The following HELZ variants were observed in gnomAD, a reference collection of about 807,000 sequenced individuals.
The protein encoded by HELZ is ATP-dependent RNA helicase with zinc finger domain.
In HELZ, 23 loss-of-function variants were observed where a neutral mutation model predicts 218.2. The observed-to-expected ratio is 0.11, with a 90% confidence interval of 0.08 to 0.15. The LOEUF is 0.15. HELZ is among the 10% of genes least tolerant of loss of function. The pLI is 1.00. For missense variants in HELZ, 1,813 were observed against 2,353.7 expected (o/e 0.77, Z 4.75); for synonymous variants, 814 against 829.4 (o/e 0.98, Z 0.32).
In HELZ at chr17:67,077,018, A is replaced by C. The variant is rs1171048444; in HGVS notation, c.*1234T>G. ...CTTTGGATTTTACCAAAATTCATTC[A>C]AAGCAATTTTTAGATGGTAGAATAT... On this transcript the variant is annotated 3_prime_UTR_variant, in exon 33 of 33. Transcript: ENST00000358691. 1.3e-5 allele frequency: 2 copies of C among 152,218 alleles called. No individual in the cohort carries two copies. Among genetic ancestry groups the C allele is most frequent in the Non-Finnish European group, 2.9e-5 (2 of 68,040 alleles). 9.4% of individuals were successfully genotyped at this position (152,218 alleles called of 1,614,324 possible).
intron 5 of HELZ, among the ~76,000 whole-genome samples, chr17:67,207,440 G>A (rs1285675454): frequency 2.0e-5 from 3 of 151,616 alleles, no homozygotes; most frequent in Admixed American, 6.6e-5. Flanking sequence ...GGCTGGTCTC[G>A]AACTCCTGAC....
At chr17:67,195,736 C>T (rs1289389278) in intron 7 of HELZ, among the ~76,000 whole-genome samples, 4 of 151,950 alleles carry the variant, frequency 2.6e-5, no homozygotes, top group African/African-American at 2.4e-5. Flanking sequence ...AGTCCAAGTC[C>T]CCAGTCTTGA....
chr17:67,189,764 G>A, intron 10 of HELZ, 68 bp from the exon 11 acceptor site: 1 of 980,094 alleles, frequency 1.0e-6, no homozygotes, highest in Non-Finnish European at 1.6e-6. Flanking sequence ...TTTTAGCATG[G>A]AAAATAAATG....
At chr17:67,136,220 A>G (rs749961392) in intron 22 of HELZ, 22 bp from the exon 23 acceptor site, 3 of 1,489,098 alleles carry the variant, frequency 2.0e-6, no homozygotes, top group Non-Finnish European at 2.8e-6. Flanking sequence ...ATTTTTTAAG[A>G]AAAGACTTAA....
intron 23 of HELZ, among the ~76,000 whole-genome samples, chr17:67,134,347 T>C (rs1220884789): frequency 6.6e-6 from 1 of 151,468 alleles, no homozygotes; most frequent in East Asian, 1.9e-4. Flanking sequence ...ACTGCACCAT[T>C]GCATTCCAGC....
intron 26 of HELZ, among the ~76,000 whole-genome samples, chr17:67,122,670 T>G (rs2037650098): frequency 6.6e-6 from 1 of 151,414 alleles, no homozygotes; most frequent in Non-Finnish European, 1.5e-5. Context: ...ATTACACCAC[T>G]GCACTCCAGC....
intron 32 of HELZ, among the ~76,000 whole-genome samples, 167 bp from the exon 33 acceptor site, chr17:67,078,753 C>T (rs1281933451): frequency 6.6e-6 from 1 of 152,162 alleles, no homozygotes; most frequent in Non-Finnish European, 1.5e-5. Context: ...ACAACACATC[C>T]AACCAAACGT....
At chr17:67,141,812 AG>A (rs1396467779) in intron 21 of HELZ, among the ~76,000 whole-genome samples, 2 of 152,210 alleles carry the variant, frequency 1.3e-5, no homozygotes, top group Non-Finnish European at 2.9e-5. Context: ...TGGGAGGCCA[AG>A]GTGGGTGGAT....
intron 24 of HELZ, among the ~76,000 whole-genome samples, chr17:67,127,567 G>T (rs1262982210): frequency 6.6e-6 from 1 of 151,934 alleles, no homozygotes; most frequent in African/African-American, 2.4e-5. Flanking sequence ...ACATTTTTTG[G>T]CCTGGTGCGG....
At chr17:67,235,989 T>C (rs1413741958) in intron 3 of HELZ, among the ~76,000 whole-genome samples, 4 of 152,050 alleles carry the variant, frequency 2.6e-5, no homozygotes, top group African/African-American at 7.2e-5. Flanking sequence ...CTCGATCTCC[T>C]GACCTCCTGA....
chr17:67,158,419 A>C (rs768798163), intron 17 of HELZ, among the ~76,000 whole-genome samples: 15 of 152,202 alleles, frequency 9.9e-5, no homozygotes, highest in Non-Finnish European at 1.9e-4. Flanking sequence ...CTATTAGAAA[A>C]ATTATAAATT....
rs531068708 is a variant in HELZ, at chr17:67,072,356, A to C, written c.*5896T>G. On this transcript the variant is annotated 3_prime_UTR_variant, in exon 33 of 33. Transcript: ENST00000358691. ...GCCCCGAAGAAAAAAAAACAAAACT[A>C]TTATTTTATTATTTAAGGATTATCT... is the stretch of plus-strand genomic sequence containing the variant. 3.3e-5 allele frequency: 5 copies of C among 152,518 alleles called. No homozygotes were observed. Among genetic ancestry groups the C allele is most frequent in the Admixed American group, 3.3e-4 (5 of 15,266 alleles). 9.4% of individuals were successfully genotyped at this position (152,518 alleles called of 1,614,324 possible).
At chr17:67,205,844 ATC>A (rs1018876348) in intron 5 of HELZ, among the ~76,000 whole-genome samples, 2 of 152,010 alleles carry the variant, frequency 1.3e-5, no homozygotes, top group African/African-American at 2.4e-5. Context: ...CCTTTTTTCC[ATC>A]TCTTTTTCAG....
intron 3 of HELZ, among the ~76,000 whole-genome samples, chr17:67,223,091 CAAAAAAAAA>C (rs1170812696): frequency 1.1e-5 from 1 of 95,158 alleles, no homozygotes; most frequent in Non-Finnish European, 2.2e-5. Flanking sequence ...ACTAAAAATA[CAAAAAAAAA>C]AAAAAAAAAA....
intron 31 of HELZ, among the ~76,000 whole-genome samples, chr17:67,102,559 T>G (rs749655966): frequency 6.6e-6 from 1 of 152,188 alleles, no homozygotes; most frequent in Non-Finnish European, 1.5e-5. Context: ...AAAGGATCCA[T>G]AGTGGGAGGG....
At chr17:67,221,365 C>T (rs1877188108) in intron 3 of HELZ, among the ~76,000 whole-genome samples, 1 of 152,180 alleles carries the variant, frequency 6.6e-6, no homozygotes, top group Non-Finnish European at 1.5e-5. Context: ...ACACTGCTTG[C>T]CAGATAACAG....
chr17:67,071,176 T>C lies in HELZ; in HGVS notation c.*7076A>G, dbSNP rs2035876941. 6.6e-6 allele frequency: 1 copy of C among 152,528 alleles called. No individual in the cohort carries two copies. Among genetic ancestry groups the C allele is most frequent in the Admixed American group, 6.5e-5 (1 of 15,286 alleles). 9.4% of individuals were successfully genotyped at this position (152,528 alleles called of 1,614,324 possible). On this transcript the variant is annotated 3_prime_UTR_variant, in exon 33 of 33. Coordinates refer to ENST00000358691, the MANE Select transcript of HELZ (RefSeq NM_014877.4). ...GGCACAGAAATCAGATACAGTACAATGTCATATACATGGATTTATAGGAAG... is the reference window on the plus strand; with the variant it reads ...GGCACAGAAATCAGATACAGTACAACGTCATATACATGGATTTATAGGAAG...
chr17:67,221,773 T>C (rs1053703742), intron 3 of HELZ, among the ~76,000 whole-genome samples: 1 of 152,164 alleles, frequency 6.6e-6, no homozygotes, highest in South Asian at 2.1e-4. Context: ...TTAGCTATTA[T>C]AATGTCTCTA....
At chr17:67,152,417 C>G (rs1477231517) in intron 17 of HELZ, among the ~76,000 whole-genome samples, 3 of 151,976 alleles carry the variant, frequency 2.0e-5, no homozygotes, top group African/African-American at 7.2e-5. Context: ...ATTAGGCCAA[C>G]AATAGAGATA....
Sources: allele counts gnomAD v4.1 joint callset (sites outside exome capture counted in the v4.1 genomes callset), GRCh38; gene constraint gnomAD v4.1.1; transcripts MANE v1.5; gene names NCBI Gene and HGNC (gene_info 2026-07-23, HGNC 2026-07-21).